Variants in SAR1B observed in about 807,000 individuals in gnomAD.
SAR1B encodes the protein small COPII coat GTPase SAR1B.
A neutral mutation model predicts 26.8 loss-of-function variants in SAR1B; 23 were observed. The observed-to-expected ratio is 0.86, with a 90% CI of 0.62 to 1.22. SAR1B has a LOEUF of 1.22. SAR1B is among the 50% of genes most tolerant of loss of function. The pLI, the probability that SAR1B is intolerant of heterozygous loss-of-function variation, is 0.00. For missense variants in SAR1B, 196 were observed against 232.8 expected, an observed-to-expected ratio of 0.84 and a Z score of 1.03; for synonymous variants, 65 against 80.8, an observed-to-expected ratio of 0.80 and a Z score of 1.05.
intron 1 of SAR1B, 137 bp from the exon 2 acceptor site, chr5:134,624,174 T>G: frequency 1.5e-6 from 1 of 662,312 alleles, no homozygotes; most frequent in Middle Eastern, 4.1e-4. Flanking sequence ...TTTGGGAAGC[T>G]GAGGTGGGTG....
At chr5:134,629,885 CAAAA>C (rs769758227) in intron 1 of SAR1B, among the ~76,000 whole-genome samples, 2 of 72,020 alleles carry the variant, frequency 2.8e-5, no homozygotes, top group Non-Finnish European at 2.8e-5. Flanking sequence ...CATTCTGTCT[CAAAA>C]AAAAAAAAAA....
At chr5:134,610,000 T>C (rs890817176) in intron 4 of SAR1B, among the ~76,000 whole-genome samples, 5 of 151,416 alleles carry the variant, frequency 3.3e-5, no homozygotes, top group African/African-American at 1.2e-4. Context: ...AGATCTAAAA[T>C]ATAAGCAGTA....
At chr5:134,608,905 T>A (rs1485894722) in intron 5 of SAR1B, 1 of 363,480 alleles carries the variant, frequency 2.8e-6, no homozygotes, top group Non-Finnish European at 5.4e-6. Context: ...AATCAAGTAA[T>A]ACGCACAGTC....
intron 1 of SAR1B, among the ~76,000 whole-genome samples, chr5:134,630,301 C>T (rs1199099876): frequency 1.3e-5 from 2 of 151,402 alleles, no homozygotes; most frequent in African/African-American, 4.9e-5. Context: ...ACTAAAAATA[C>T]AAGATTAGCT....
At chr5:134,610,204 C>T (rs970268455) in intron 4 of SAR1B, among the ~76,000 whole-genome samples, 4 of 151,972 alleles carry the variant, frequency 2.6e-5, no homozygotes, top group Non-Finnish European at 5.9e-5. Flanking sequence ...TGGTGGCTCA[C>T]ACTTGTAATC....
At position 134,610,020 on chromosome 5, in the gene SAR1B, CAT is replaced by C. The variant is rs1007931312; in HGVS notation, c.245-348_245-347del. On this transcript the variant is annotated intron_variant, in intron 4 of 6. Coordinates refer to ENST00000402673, the MANE Select transcript of SAR1B (RefSeq NM_016103.4). ...TAAAATATAAGCAGTAAAAAAACTA[CAT>C]ATATGTGATTATATATACATAAAAT... 6.6e-5 allele frequency among the ~76,000 whole-genome samples: 10 copies of C among 151,276 alleles called. No individual in the cohort carries two copies. In the South Asian group the frequency reaches 1.9e-3, roughly 28 times the overall value.
intron 1 of SAR1B, among the ~76,000 whole-genome samples, chr5:134,628,889 C>T (rs1765548039): frequency 6.6e-6 from 1 of 152,008 alleles, no homozygotes; most frequent in African/African-American, 2.4e-5. Context: ...CTCCTGACCT[C>T]GAGATCCACT....
rs1765109348 is a variant in SAR1B, at chr5:134,605,470, G to GCT, written c.*1479_*1480insAG. On this transcript the variant is annotated 3_prime_UTR_variant, in exon 7 of 7. Transcript: ENST00000402673. ...AAATTTTCTTAGTAAGCCTAGCAAT[G>GCT]AGGCTTGCAGGCCCTATCACATGGC... 6.6e-6 allele frequency: 1 copy of GCT among 151,882 alleles called. No homozygotes were observed. The allele number at this position is 151,882 out of a possible 1,614,324, so 9.4% of individuals were successfully genotyped here.
rs1765103804 is a variant in SAR1B at position 134,604,946 on chromosome 5, G to A, written c.*2004C>T. 1 of 152,170 alleles carries A rather than the reference G, an allele frequency of 6.6e-6. No individual in the cohort carries two copies. The highest frequency in any genetic ancestry group is 2.1e-4 in the South Asian group (1 of 4,830). 9.4% of individuals were successfully genotyped at this position (152,170 alleles called of 1,614,324 possible). ...TTAAGGAGTACTTTAAACCTATCTG[G>A]AAGAAGAAATCAATAGGCTGCAATG... is the stretch of plus-strand genomic sequence containing the variant. On this transcript the variant is annotated 3_prime_UTR_variant, in exon 7 of 7. Transcript: ENST00000402673.
chr5:134,611,985 A>G (rs958396919), intron 4 of SAR1B, among the ~76,000 whole-genome samples: 1 of 152,182 alleles, frequency 6.6e-6, no homozygotes. Context: ...CAACATAGTG[A>G]GTGAGACCCT....
chr5:134,630,456 CAAAAAAA>C (rs773343974), intron 1 of SAR1B, among the ~76,000 whole-genome samples: 3 of 41,576 alleles, frequency 7.2e-5, no homozygotes, highest in East Asian at 1.4e-3. Flanking sequence ...AACTCTATCT[CAAAAAAA>C]AAAAAAAAAA....
chr5:134,612,553 G>A (rs1765231611), intron 4 of SAR1B, 138 bp downstream of exon 4: 1 of 804,750 alleles, frequency 1.2e-6, no homozygotes, highest in Non-Finnish European at 1.8e-6. Flanking sequence ...GCTGAGGCAT[G>A]AGGATTGCTT....
chr5:134,628,975 TG>T (rs1188310891), intron 1 of SAR1B, among the ~76,000 whole-genome samples: 5 of 151,746 alleles, frequency 3.3e-5, no homozygotes, highest in Admixed American at 1.3e-4. Flanking sequence ...TTAAATTACC[TG>T]GGTATGGTAG....
chr5:134,630,889 C>CTT lies in SAR1B; in HGVS notation c.-19+1837_-19+1838dup, dbSNP rs781218368. On this transcript the variant is annotated intron_variant, in intron 1 of 6. Transcript: ENST00000402673. ...TTTCCTTTTCTATTTCTTTTTTTTT[C>CTT]TTTTTTTTTTTTTTTTTTTTTTTTT... Among the ~76,000 whole-genome samples, 14 of 69,142 alleles carry CTT rather than the reference C, an allele frequency of 2.0e-4. 1 individual carries two copies. Among genetic ancestry groups the CTT allele is most frequent in the African/African-American group, 2.3e-4 (4 of 17,108 alleles). 45.4% of individuals were successfully genotyped at this position (69,142 alleles called of 152,430 possible).
At position 134,606,938 on chromosome 5, in the gene SAR1B, T is replaced by C; in HGVS notation, c.*12A>G. ...CCTGAACGTTGAGACCTGGAACCAA[T>C]GTGAGTTTGTGTTAATCAATGTACT... On this transcript the variant is annotated 3_prime_UTR_variant, in exon 7 of 7. Coordinates refer to ENST00000402673, the MANE Select transcript of SAR1B (RefSeq NM_016103.4). 6.4e-7 allele frequency: 1 copy of C among 1,557,852 alleles called. No homozygotes were observed. Among genetic ancestry groups the C allele is most frequent in the Non-Finnish European group, 8.9e-7 (1 of 1,128,640 alleles).
In SAR1B at chr5:134,613,030, A is replaced by G. The variant is rs146218644; in HGVS notation, c.179-274T>C. The G allele has an allele frequency of 2.3e-3, 1,057 of 460,030 alleles. 9 individuals are homozygous for G. Among genetic ancestry groups the G allele is most frequent in the African/African-American group, 0.019 (960 of 49,484 alleles). The allele number at this position is 460,030 out of a possible 1,614,324, so 28.5% of individuals were successfully genotyped here. A position where few individuals can be genotyped will look rare whatever the true frequency, so the allele number is the denominator to read the frequency against. On this transcript the variant is annotated intron_variant, in intron 3 of 6. Coordinates refer to ENST00000402673, the MANE Select transcript of SAR1B (RefSeq NM_016103.4). Reference sequence around the variant, plus strand: ...CATACTTACACTGGTCCAAGCAAGCATTAGGTCATAGCCTGTTCCTCTTCC... The same window carrying G: ...CATACTTACACTGGTCCAAGCAAGCGTTAGGTCATAGCCTGTTCCTCTTCC...
chr5:134,632,396 C>G (rs535825857), intron 1 of SAR1B, among the ~76,000 whole-genome samples: 44 of 152,220 alleles, frequency 2.9e-4, no homozygotes, highest in African/African-American at 1.0e-3. Context: ...CTTCAGCTGT[C>G]AGTGAGACCC....
intron 2 of SAR1B, among the ~76,000 whole-genome samples, chr5:134,623,333 G>A (rs535329910): frequency 2.6e-5 from 4 of 151,634 alleles, no homozygotes; most frequent in African/African-American, 4.8e-5. Context: ...CCAGCTACTC[G>A]GGAGGTTGAG....
At chr5:134,610,903 G>C (rs1765201639) in intron 4 of SAR1B, among the ~76,000 whole-genome samples, 1 of 141,154 alleles carries the variant, frequency 7.1e-6, no homozygotes, top group South Asian at 2.2e-4. Context: ...TTTTTTTAAA[G>C]AGACAGGGTC....
Sources: gnomAD v4.1 joint callset for allele counts (sites outside exome capture counted in the v4.1 genomes callset) on GRCh38, gnomAD v4.1.1 for gene constraint, MANE v1.5 for transcripts, NCBI Gene and HGNC (gene_info 2026-07-23, HGNC 2026-07-21) for gene names.